The following WDR7 variants were observed in gnomAD, a reference collection of about 807,000 sequenced individuals.
The protein encoded by WDR7 is WD repeat domain 7, also known as WD repeat-containing protein 7.
In WDR7, 46 loss-of-function variants were observed where a neutral mutation model predicts 169.4. That is an observed-to-expected ratio of 0.27 (90% confidence interval 0.21 to 0.35). The LOEUF (loss-of-function observed/expected upper bound fraction) is 0.35, where lower values mean the gene tolerates loss of function less well. Among genes scored for constraint, WDR7 ranks in the 10% least tolerant of loss-of-function variants. The pLI, the probability that WDR7 is intolerant of heterozygous loss-of-function variation, is 1.00. For missense variants in WDR7, 1,534 were observed against 1,859.3 expected (o/e 0.83, Z 3.22); for synonymous variants, 612 against 666.8 (o/e 0.92, Z 1.27).
At chr18:56,931,165 G>T (rs769235542) in intron 22 of WDR7, among the ~76,000 whole-genome samples, 1 of 152,000 alleles carries the variant, frequency 6.6e-6, no homozygotes, top group Non-Finnish European at 1.5e-5. Flanking sequence ...GACCCATCCT[G>T]TAAACCTGTG....
intron 25 of WDR7, among the ~76,000 whole-genome samples, chr18:56,955,562 T>A (rs1265151091): frequency 6.6e-6 from 1 of 152,222 alleles, no homozygotes; most frequent in South Asian, 2.1e-4. Flanking sequence ...TGTATTAGCA[T>A]GTTATTAGTT....
chr18:56,869,747 T>G (rs536117516), intron 20 of WDR7, among the ~76,000 whole-genome samples: 2 of 152,196 alleles, frequency 1.3e-5, no homozygotes, highest in South Asian at 2.1e-4. Context: ...TTATTTACTT[T>G]AGGTGCACAG....
chr18:56,812,926 G>A (rs1209547769), intron 19 of WDR7, among the ~76,000 whole-genome samples: 1 of 151,106 alleles, frequency 6.6e-6, no homozygotes, highest in Non-Finnish European at 1.5e-5. Context: ...CGGCTCTCTA[G>A]GTATCCCTTA....
intron 1 of WDR7, among the ~76,000 whole-genome samples, chr18:56,665,170 G>T (rs1045135869): frequency 1.3e-5 from 2 of 152,020 alleles, no homozygotes; most frequent in African/African-American, 2.4e-5. Flanking sequence ...GCGGGCGCCT[G>T]TAATCCCAGC....
chr18:56,694,583 A>G (rs764564778), intron 9 of WDR7, 36 bp from the exon 10 acceptor site: 3 of 1,568,604 alleles, frequency 1.9e-6, no homozygotes, highest in South Asian at 1.2e-5. Flanking sequence ...TTGATTAAAA[A>G]TACAGCTAAA....
chr18:56,799,196 A>T lies in WDR7; in HGVS notation c.3191-16835A>T, dbSNP rs148757870. Among the ~76,000 whole-genome samples, 91 of 152,330 alleles carry T rather than the reference A, an allele frequency of 6.0e-4. 1 individual carries two copies. In the East Asian group the frequency reaches 0.017, roughly 28 times the overall value. On this transcript the variant is annotated intron_variant, in intron 19 of 27. Coordinates refer to ENST00000254442, the MANE Select transcript of WDR7 (RefSeq NM_015285.3). ...CACTTAAACAGCTGGAAAATAGAGTATTTGGAGGTGCCAAGGAATTCATTT... is the reference window on the plus strand; with the variant it reads ...CACTTAAACAGCTGGAAAATAGAGTTTTTGGAGGTGCCAAGGAATTCATTT...
rs1598968230 is a variant in WDR7, at chr18:56,695,787, G to A, written c.1358-455G>A. ...TGACCTCAAGTGATCTGCCTGCCTC[G>A]GCCTCTCAACAGCCAGTGGAAATCG... On this transcript the variant is annotated intron_variant, in intron 11 of 27. Transcript: ENST00000254442. 1.3e-5 allele frequency among the ~76,000 whole-genome samples: 2 copies of A among 151,892 alleles called. 1 individual carries two copies.
chr18:56,945,815 G>T (rs1460691437), intron 25 of WDR7, among the ~76,000 whole-genome samples: 1 of 152,070 alleles, frequency 6.6e-6, no homozygotes, highest in East Asian at 1.9e-4. Flanking sequence ...AAGTACTCTA[G>T]TAATCCAAAA....
chr18:56,668,246 C>T (rs536098165), intron 1 of WDR7, among the ~76,000 whole-genome samples: 16 of 152,296 alleles, frequency 1.1e-4, no homozygotes, highest in African/African-American at 3.1e-4. Context: ...GTTGTTTTTT[C>T]ACCATTCTGC....
chr18:56,935,852 T>C lies in WDR7; in HGVS notation c.3778T>C (p.Ser1260Pro). 6.2e-7 allele frequency: 1 copy of C among 1,614,214 alleles called. No individual in the cohort carries two copies. Among genetic ancestry groups the C allele is most frequent in the African/African-American group, 1.3e-5 (1 of 75,046 alleles). The stretch of plus-strand genomic sequence containing the variant: ...GGCCCGCTCTGCGAGGCATGCCCTC[T>C]CGCTCATTGCCACCGCCAGACCACC... ...DSARSARHAL[S>P]LIATARPPAF... Residue 1260 changes from serine (S) to proline (P), a missense_variant, in exon 23 of 28, where the codon TCG becomes CCG. Coordinates refer to ENST00000254442, the MANE Select transcript of WDR7 (RefSeq NM_015285.3).
rs965504204 is a variant in WDR7 at position 56,951,540 on chromosome 18, C to T, written c.4065-10890C>T. Reference sequence around the variant, plus strand: ...ACCCTAAGCATTTGTGTTTAGCTTGCTTTTGTGTCTTTGAAACAAAATTCT... The same window carrying T: ...ACCCTAAGCATTTGTGTTTAGCTTGTTTTTGTGTCTTTGAAACAAAATTCT... On this transcript the variant is annotated intron_variant, in intron 25 of 27. Transcript: ENST00000254442. 2.0e-5 allele frequency among the ~76,000 whole-genome samples: 3 copies of T among 152,208 alleles called. No homozygotes were observed. The South Asian group carries it at 6.2e-4, about 32-fold the overall frequency.
At position 56,939,338 on chromosome 18, in the gene WDR7, G is replaced by C; in HGVS notation, c.4009G>C (p.Glu1337Gln). 1 of 1,586,380 alleles carries C rather than the reference G, an allele frequency of 6.3e-7. No individual in the cohort carries two copies. The highest frequency in any genetic ancestry group is 8.6e-7 in the Non-Finnish European group (1 of 1,165,342). ...TATGGACATCATTATGTACTGCCTTGAAGGATCTTTAGTTAAAAAGAAAGG... is the reference window on the plus strand; with the variant it reads ...TATGGACATCATTATGTACTGCCTTCAAGGATCTTTAGTTAAAAAGAAAGG... ...EVMDIIMYCL[E>Q]GSLVKKKGLQ... Residue 1337 changes from glutamate (E) to glutamine (Q), a missense_variant, in exon 25 of 28, where the codon GAA becomes CAA. By Grantham distance (29) the Glu-to-Gln change is conservative. Coordinates refer to ENST00000254442, the MANE Select transcript of WDR7 (RefSeq NM_015285.3).
At chr18:56,756,526 AATGT>A (rs1317960110) in intron 14 of WDR7, 53 bp from the exon 15 acceptor site, 53 of 1,331,514 alleles carry the variant, frequency 4.0e-5, no homozygotes, top group Non-Finnish European at 4.9e-5. Context: ...TTTATTAATG[AATGT>A]ATGAAATTAA....
Position 56,938,666 on chromosome 18 carries a change from T to C in WDR7, c.3965T>C (p.Val1322Ala), listed in dbSNP as rs2046992476. ...ATTGAAAAGATGCCCACAGATGTTG[T>C]GGATCTTCTCGTGGAGGTAAGAATA... ...ILIEKMPTDV[V>A]DLLVEVMDII... The change falls in exon 24 of 28, where the codon GTG (valine) becomes GCG (alanine). Residue 1322 changes from valine to alanine, a missense_variant. By Grantham distance (64) the Val-to-Ala change is moderately conservative. Transcript: ENST00000254442. 6.2e-7 allele frequency: 1 copy of C among 1,613,584 alleles called. No individual in the cohort carries two copies.
chr18:56,905,828 T>C (rs1311357994), intron 21 of WDR7, among the ~76,000 whole-genome samples: 4 of 152,172 alleles, frequency 2.6e-5, no homozygotes, highest in African/African-American at 4.8e-5. Context: ...CTTTGATTCA[T>C]TGAAGAGTTC....
intron 20 of WDR7, 30 bp from the exon 21 acceptor site, chr18:56,879,914 T>C: frequency 6.5e-7 from 1 of 1,544,618 alleles, no homozygotes; most frequent in Non-Finnish European, 8.9e-7. Context: ...TGATTTGTTC[T>C]AAGTTGAGAT....
chr18:56,821,374 A>G lies in WDR7; in HGVS notation c.3304+5230A>G, dbSNP rs541653382. 2.8e-4 allele frequency among the ~76,000 whole-genome samples: 42 copies of G among 152,272 alleles called. No individual in the cohort carries two copies. The East Asian group carries it at 5.4e-3, about 20-fold the overall frequency. ...TATTTCCAGATATGTAGTTGAGGAA[A>G]CAAGCTGAGAGAGATAACTTTTACA... On this transcript the variant is annotated intron_variant, in intron 20 of 27. Transcript: ENST00000254442.
intron 20 of WDR7, among the ~76,000 whole-genome samples, chr18:56,827,066 G>A (rs1213562799): frequency 2.6e-5 from 4 of 152,276 alleles, no homozygotes; most frequent in Admixed American, 6.5e-5. Context: ...GTAAGCCTGC[G>A]CTTATTGCGG....
chr18:56,806,517 C>T (rs1308168915), intron 19 of WDR7, among the ~76,000 whole-genome samples: 1 of 152,096 alleles, frequency 6.6e-6, no homozygotes, highest in Non-Finnish European at 1.5e-5. Flanking sequence ...GGGTAGAGGT[C>T]TCCCTTCTGG....
Sources: gnomAD v4.1 joint callset for allele counts (sites outside exome capture counted in the v4.1 genomes callset) on GRCh38, gnomAD v4.1.1 for gene constraint, MANE v1.5 for transcripts, NCBI Gene and HGNC (gene_info 2026-07-23, HGNC 2026-07-21) for gene names.